The following EFR3A variants were observed in gnomAD, a reference collection of about 807,000 sequenced individuals.
The protein encoded by EFR3A is protein EFR3 homolog A.
EFR3A carries 76 observed loss-of-function variants against 104.4 expected under a neutral mutation model. The ratio of observed to expected loss-of-function variants is 0.73; its 90% CI spans 0.60 to 0.88. The LOEUF is 0.88. EFR3A is among the 40% of genes least tolerant of loss of function. EFR3A has a pLI of 0.00. For synonymous variants in EFR3A, 330 were observed against 330.0 expected (o/e 1.00, Z 0.00); for missense variants, 985 against 1,012.5 (o/e 0.97, Z 0.37).
intron 18 of EFR3A, among the ~76,000 whole-genome samples, chr8:131,991,844 C>T (rs939488193): frequency 1.3e-5 from 2 of 152,036 alleles, no homozygotes; most frequent in Non-Finnish European, 2.9e-5. Flanking sequence ...GGTAGAGGAG[C>T]TTCCACAAAG....
chr8:131,950,839 C>G (rs1350955476), intron 5 of EFR3A, among the ~76,000 whole-genome samples: 1 of 152,068 alleles, frequency 6.6e-6, no homozygotes, highest in Non-Finnish European at 1.5e-5. Context: ...AACATTTCTT[C>G]TGGATATATC....
At chr8:131,923,012 A>C (rs148864880) in intron 1 of EFR3A, among the ~76,000 whole-genome samples, 1 of 152,310 alleles carries the variant, frequency 6.6e-6, no homozygotes, top group East Asian at 1.9e-4. Flanking sequence ...TGTTCTCCGC[A>C]GAATGAATGG....
intron 7 of EFR3A, among the ~76,000 whole-genome samples, chr8:131,958,909 G>A (rs903113317): frequency 6.6e-6 from 1 of 152,094 alleles, no homozygotes; most frequent in African/African-American, 2.4e-5. Flanking sequence ...TTTACCCTAT[G>A]AAATGGATGT....
In EFR3A at chr8:131,904,209, C is replaced by T. The variant is rs1161908166; in HGVS notation, c.-104C>T. On this transcript the variant is annotated 5_prime_UTR_variant, in exon 1 of 23. Transcript: ENST00000254624. Reference sequence around the variant, plus strand: ...ACCCTTCGCCCTTCGCCCTTCGCCTCGTTCCGGCCTCCGCGGCCCAGCAAC... The same window carrying T: ...ACCCTTCGCCCTTCGCCCTTCGCCTTGTTCCGGCCTCCGCGGCCCAGCAAC... The T allele has an allele frequency of 3.3e-6, 4 of 1,215,340 alleles. No individual in the cohort carries two copies. The highest frequency in any genetic ancestry group is 3.2e-5 in the East Asian group (1 of 31,070). 75.3% of individuals were successfully genotyped at this position (1,215,340 alleles called of 1,614,324 possible).
intron 8 of EFR3A, among the ~76,000 whole-genome samples, chr8:131,962,175 C>G (rs1464956922): frequency 6.6e-6 from 1 of 152,166 alleles, no homozygotes; most frequent in Non-Finnish European, 1.5e-5. Flanking sequence ...CACCAGCTAA[C>G]ATCATAATGA....
rs1484789494 is a variant in EFR3A at position 131,955,779 on chromosome 8, C to T, written c.650C>T (p.Pro217Leu). 6.2e-7 allele frequency: 1 copy of T among 1,612,702 alleles called. No individual in the cohort carries two copies. Among genetic ancestry groups the T allele is most frequent in the Non-Finnish European group, 8.5e-7 (1 of 1,179,182 alleles). The change falls in exon 7 of 23, where the codon CCT becomes CTT. Residue 217 changes from proline (P) to leucine (L), a missense_variant. Transcript: ENST00000254624. ...TCGTTCCTTTTTAGTCGCATAGGCC[C>T]TCCTTCTTCTCCTTCTGCAACTGAC... is the stretch of plus-strand genomic sequence containing the variant. ...KIEEVDSRIG[P>L]PSSPSATDKE...
intron 10 of EFR3A, 53 bp from the exon 11 acceptor site, chr8:131,975,974 T>C (rs545951740): frequency 1.8e-6 from 2 of 1,107,598 alleles, no homozygotes; most frequent in East Asian, 2.6e-5. Flanking sequence ...TTTTGTATTA[T>C]ATGGAAAAGT....
At chr8:131,997,789 A>G (rs1163048148) in intron 19 of EFR3A, among the ~76,000 whole-genome samples, 4 of 152,040 alleles carry the variant, frequency 2.6e-5, no homozygotes, top group Non-Finnish European at 5.9e-5. Context: ...ACTATGTGTT[A>G]TTGACTGGTA....
At chr8:132,010,407 G>GATATATATATATATATATAT (rs66644698) in intron 22 of EFR3A, among the ~76,000 whole-genome samples, 20 of 81,874 alleles carry the variant, frequency 2.4e-4, no homozygotes, top group African/African-American at 8.3e-4. Context: ...TCAAGTATGA[G>GATATATATATATATATATAT]ATATATATAT....
In EFR3A at chr8:131,940,519, G is replaced by A. The variant is rs754490414; in HGVS notation, c.31G>A (p.Ala11Thr). 9.4e-6 allele frequency: 15 copies of A among 1,602,082 alleles called. No homozygotes were observed. Among genetic ancestry groups the A allele is most frequent in the Middle Eastern group, 3.3e-4 (2 of 6,054 alleles). ...AACAGGAGTATGCTGCTGCTGTTCC[G>A]CTTTGCGTCCTCGCTACAAACGCCT... MPTRVCCCCS[A>T]LRPRYKRLVD... is the part of the protein sequence containing the mutation. Residue 11 changes from alanine to threonine, a missense_variant, in exon 2 of 23, where the codon GCT (alanine) becomes ACT (threonine). Physicochemically the swap from Ala to Thr is moderately conservative, Grantham distance 58. Transcript: ENST00000254624.
intron 1 of EFR3A, among the ~76,000 whole-genome samples, chr8:131,925,023 G>A (rs1212428388): frequency 3.3e-5 from 5 of 152,026 alleles, no homozygotes; most frequent in African/African-American, 9.6e-5. Context: ...ATTTGAGTTG[G>A]AATGTCATGT....
chr8:132,003,872 C>A lies in EFR3A; in HGVS notation c.2360+587C>A, dbSNP rs113571791. Among the ~76,000 whole-genome samples the A allele has an allele frequency of 8.3e-3, 1,259 of 152,320 alleles. 11 individuals carry two copies. The highest frequency in any genetic ancestry group is 0.014 in the Non-Finnish European group (937 of 68,032). ...CTCTAGGTTCCATCTAAAGAAGGAA[C>A]TTCCACATAGTCTTACATTGACTTC... On this transcript the variant is annotated intron_variant, in intron 22 of 22. Coordinates refer to ENST00000254624, the MANE Select transcript of EFR3A (RefSeq NM_015137.6).
chr8:131,962,041 C>A (rs1171769241), intron 8 of EFR3A, among the ~76,000 whole-genome samples: 2 of 152,100 alleles, frequency 1.3e-5, no homozygotes, highest in Non-Finnish European at 1.5e-5. Context: ...GCCTGCCTTA[C>A]AAGAGCTCCT....
chr8:131,919,571 G>A (rs538956255), intron 1 of EFR3A, among the ~76,000 whole-genome samples: 22 of 148,642 alleles, frequency 1.5e-4, no homozygotes, highest in African/African-American at 5.2e-4. Context: ...ACTCCAGCCT[G>A]GGCGACAGAG....
intron 1 of EFR3A, among the ~76,000 whole-genome samples, chr8:131,923,010 G>A (rs544398019): frequency 2.0e-5 from 3 of 152,192 alleles, no homozygotes; most frequent in South Asian, 2.1e-4. Context: ...AATGTTCTCC[G>A]CAGAATGAAT....
intron 1 of EFR3A, 193 bp from the exon 2 acceptor site, chr8:131,940,306 G>A: frequency 5.1e-6 from 3 of 585,456 alleles, no homozygotes; most frequent in Non-Finnish European, 8.7e-6. Context: ...CTTAGAAGCT[G>A]TGTGTCTTTG....
At chr8:131,933,730 A>G (rs965311243) in intron 1 of EFR3A, among the ~76,000 whole-genome samples, 9 of 152,084 alleles carry the variant, frequency 5.9e-5, no homozygotes, top group African/African-American at 9.7e-5. Flanking sequence ...AACTTTTTAA[A>G]TTAAAAATTG....
chr8:131,996,605 C>A, intron 19 of EFR3A, 108 bp downstream of exon 19: 1 of 578,794 alleles, frequency 1.7e-6, no homozygotes, highest in Non-Finnish European at 3.0e-6. Flanking sequence ...TCTAAATTAT[C>A]CTCAAATCAA....
At chr8:131,983,881 C>G (rs771900098) in intron 14 of EFR3A, among the ~76,000 whole-genome samples, 10 of 152,112 alleles carry the variant, frequency 6.6e-5, no homozygotes, top group Non-Finnish European at 1.3e-4. Flanking sequence ...AAAACATTTT[C>G]ATTGTTAGCA....
Sources: allele counts gnomAD v4.1 joint callset (sites outside exome capture counted in the v4.1 genomes callset), GRCh38; gene constraint gnomAD v4.1.1; transcripts MANE v1.5; gene names NCBI Gene and HGNC (gene_info 2026-07-23, HGNC 2026-07-21).